NUP160: variants seen among roughly 807,000 people sequenced by gnomAD.
NUP160 encodes nuclear pore complex protein Nup160.
A neutral mutation model predicts 196.9 loss-of-function variants in NUP160; 94 were observed. That is an observed-to-expected ratio of 0.48 (90% CI 0.40 to 0.57). The LOEUF (loss-of-function observed/expected upper bound fraction) is 0.57, where lower values mean the gene tolerates loss of function less well. Among genes scored for constraint, NUP160 ranks in the 20% least tolerant of loss-of-function variants. The pLI is 0.00. For missense variants in NUP160, 1,638 were observed against 1,748.3 expected (o/e 0.94, Z 1.13); for synonymous variants, 605 against 619.7 (o/e 0.98, Z 0.35).
intron 34 of NUP160, among the ~76,000 whole-genome samples, chr11:47,782,579 T>C (rs2097662064): frequency 6.6e-6 from 1 of 151,568 alleles, no homozygotes; most frequent in Non-Finnish European, 1.5e-5. Flanking sequence ...CACTGTTGAA[T>C]ATCTTGTGTA....
At chr11:47,838,031 CAG>C (rs1376784789) in intron 4 of NUP160, among the ~76,000 whole-genome samples, 1 of 152,104 alleles carries the variant, frequency 6.6e-6, no homozygotes, top group Non-Finnish European at 1.5e-5. Flanking sequence ...AGGGGAGAAG[CAG>C]AGACAGTTAA....
intron 21 of NUP160, 67 bp downstream of exon 21, chr11:47,804,482 A>G: frequency 9.4e-7 from 1 of 1,064,204 alleles, no homozygotes; most frequent in Non-Finnish European, 1.4e-6. Context: ...ACATTTACAA[A>G]GAAAAAAATT....
intron 9 of NUP160, among the ~76,000 whole-genome samples, chr11:47,820,645 G>A (rs997106414): frequency 2.6e-5 from 4 of 152,070 alleles, no homozygotes; most frequent in Non-Finnish European, 5.9e-5. Flanking sequence ...TCCGTCTCCT[G>A]GGTTCAAGAG....
At chr11:47,783,291 G>T in intron 33 of NUP160, 93 bp from the exon 34 acceptor site, 6 of 1,434,518 alleles carry the variant, frequency 4.2e-6, no homozygotes, top group East Asian at 2.4e-5. Flanking sequence ...CCTAACATTT[G>T]TATTTCTCAA....
intron 7 of NUP160, among the ~76,000 whole-genome samples, 171 bp from the exon 8 acceptor site, chr11:47,822,335 G>A (rs921907622): frequency 1.3e-5 from 2 of 151,782 alleles, no homozygotes; most frequent in Non-Finnish European, 2.9e-5. Context: ...TCAGCTCACT[G>A]CAACCTCCAC....
intron 21 of NUP160, chr11:47,804,283 C>A: frequency 3.1e-6 from 1 of 320,062 alleles, no homozygotes; most frequent in Non-Finnish European, 5.6e-6. Context: ...TATTTTATTA[C>A]TTTCTTTAAA....
intron 11 of NUP160, 46 bp from the exon 12 acceptor site, chr11:47,816,075 G>A: frequency 7.5e-7 from 1 of 1,334,928 alleles, no homozygotes; most frequent in Non-Finnish European, 1.1e-6. Flanking sequence ...AGCCAAAACT[G>A]AATGGAAAAC....
At position 47,799,375 on chromosome 11, in the gene NUP160, T is replaced by G. The variant is rs564805064; in HGVS notation, c.2896-912A>C. On this transcript the variant is annotated intron_variant, in intron 23 of 35. Transcript: ENST00000378460. ...TGCTAAGGTTACAGGCGTGAGCCACTGTGCCCGGCCTGACAAACATTTTTG... is the reference window on the plus strand; with the variant it reads ...TGCTAAGGTTACAGGCGTGAGCCACGGTGCCCGGCCTGACAAACATTTTTG... Among the ~76,000 whole-genome samples, 3 of 152,168 alleles carry G rather than the reference T, an allele frequency of 2.0e-5. No homozygotes were observed. In the South Asian group the frequency reaches 6.2e-4, roughly 32 times the overall value.
chr11:47,816,819 GT>G (rs1851736840), intron 11 of NUP160, among the ~76,000 whole-genome samples: 1 of 150,732 alleles, frequency 6.6e-6, no homozygotes, highest in South Asian at 2.1e-4. Flanking sequence ...TTTTGTTGTT[GT>G]TTTAATAGAG....
intron 33 of NUP160, among the ~76,000 whole-genome samples, chr11:47,783,765 G>A (rs1453247227): frequency 2.0e-5 from 3 of 151,740 alleles, no homozygotes; most frequent in African/African-American, 7.3e-5. Context: ...TTGCTCTGTC[G>A]CCCAGGCTTG....
At chr11:47,792,644 ATAGAT>A in intron 28 of NUP160, 137 bp downstream of exon 28, 1 of 775,180 alleles carries the variant, frequency 1.3e-6, no homozygotes, top group Non-Finnish European at 2.0e-6. Flanking sequence ...AATTGTAAAC[ATAGAT>A]TTTTTTCACA....
intron 2 of NUP160, among the ~76,000 whole-genome samples, chr11:47,847,259 T>G (rs1432127309): frequency 1.3e-5 from 2 of 152,156 alleles, no homozygotes; most frequent in African/African-American, 4.8e-5. Flanking sequence ...TCGTGTCCTT[T>G]AGATCTCAGG....
At chr11:47,789,963 G>C (rs1163337390) in intron 29 of NUP160, among the ~76,000 whole-genome samples, 4 of 71,304 alleles carry the variant, frequency 5.6e-5, no homozygotes, top group African/African-American at 2.2e-4. Context: ...TTTTTTTTTT[G>C]AGACAGAGTT....
At chr11:47,785,101 C>CATTTTTTTTTTT in intron 32 of NUP160, 38 bp from the exon 33 acceptor site, 1 of 1,107,988 alleles carries the variant, frequency 9.0e-7, no homozygotes, top group Non-Finnish European at 1.3e-6. Flanking sequence ...GTTTCAGATT[C>CATTTTTTTTTTT]TTAATAGCTA....
At chr11:47,848,437 C>CGGCT in exon 1 of NUP160, 2 of 1,517,832 alleles carry the variant, frequency 1.3e-6, no homozygotes, top group Non-Finnish European at 1.8e-6. Context: ...AGCAGAAAGG[C>CGGCT]GGCTCCGGCC....
At chr11:47,807,383 C>T (rs756462382) in intron 18 of NUP160, among the ~76,000 whole-genome samples, 3 of 151,986 alleles carry the variant, frequency 2.0e-5, no homozygotes, top group Non-Finnish European at 2.9e-5. Flanking sequence ...ATGTGAATCT[C>T]GGCGGGGTGT....
At chr11:47,802,995 A>G (rs996941024) in intron 22 of NUP160, among the ~76,000 whole-genome samples, 3 of 151,964 alleles carry the variant, frequency 2.0e-5, no homozygotes, top group African/African-American at 7.3e-5. Flanking sequence ...AAAAGAAATA[A>G]TAAAATAAGT....
At chr11:47,845,507 C>T (rs11039429) in intron 2 of NUP160, among the ~76,000 whole-genome samples, 52,799 of 152,014 alleles carry the variant, frequency 0.35, 10,615 homozygotes, top group South Asian at 0.52. Flanking sequence ...CTTTCTTGTG[C>T]GAGATCCAAG....
chr11:47,826,867 AC>A (rs1306004457), intron 7 of NUP160, among the ~76,000 whole-genome samples: 1 of 151,782 alleles, frequency 6.6e-6, no homozygotes, highest in Non-Finnish European at 1.5e-5. Context: ...CCAGCCCCAA[AC>A]CCTTTGCATA....
Sources: gnomAD v4.1 joint callset for allele counts (sites outside exome capture counted in the v4.1 genomes callset) on GRCh38, gnomAD v4.1.1 for gene constraint, MANE v1.5 for transcripts, NCBI Gene and HGNC (gene_info 2026-07-23, HGNC 2026-07-21) for gene names.